CFAP65: variants seen among roughly 807,000 people sequenced by gnomAD.
CFAP65 encodes cilia- and flagella-associated protein 65.
Under a neutral mutation model 208.0 loss-of-function variants are expected in CFAP65, and 155 were observed. The ratio of observed to expected loss-of-function variants is 0.75; its 90% CI spans 0.65 to 0.85. CFAP65 has a LOEUF of 0.85. Ranked by LOEUF, CFAP65 falls within the 40% of genes least tolerant of loss-of-function variation. The pLI, the probability that CFAP65 is intolerant of heterozygous loss-of-function variation, is 0.00. For missense variants in CFAP65, 2,294 were observed against 2,451.3 expected, an observed-to-expected ratio of 0.94 and a Z score of 1.36; for synonymous variants, 970 against 986.3, an observed-to-expected ratio of 0.98 and a Z score of 0.31.
chr2:219,005,179 C>T (rs61003470), intron 32 of CFAP65, among the ~76,000 whole-genome samples: 2,976 of 152,172 alleles, frequency 0.02, 101 homozygotes, highest in African/African-American at 0.068. Context: ...GCATGCACCA[C>T]CATGTCCAGC....
rs773812184 is a variant in CFAP65, at chr2:219,003,213, A to G, written c.5615T>C (p.Leu1872Pro). The change falls in exon 34 of 35, where the codon CTG becomes CCG. Residue 1872 changes from leucine to proline, a missense_variant. By Grantham distance (98) the Leu-to-Pro change is moderately conservative (BLOSUM62 -3). Coordinates refer to ENST00000341552, the MANE Select transcript of CFAP65 (RefSeq NM_194302.4). The surrounding 1 kb of genome is among the most constrained non-coding windows in gnomAD (Gnocchi z 4.4). ...ALLENMIQNI[L>P]VEASRGEVVL... ...CACCTCCCCGCGGCTCGCCTCCACCAGGATGTTCTGGATCATGTTCTCCAG... is the reference window on the plus strand; with the variant it reads ...CACCTCCCCGCGGCTCGCCTCCACCGGGATGTTCTGGATCATGTTCTCCAG... 6.5e-7 allele frequency: 1 copy of G among 1,548,874 alleles called. No individual in the cohort carries two copies. The highest frequency in any genetic ancestry group is 1.2e-5 in the South Asian group (1 of 83,990).
At position 219,020,190 on chromosome 2, in the gene CFAP65, T is replaced by C. The variant is rs551071984; in HGVS notation, c.3260-471A>G. On this transcript the variant is annotated intron_variant, in intron 19 of 34. Transcript: ENST00000341552. ...CCTCCCCAGGCAACCGCTAATCTAC[T>C]TTCTGTCTCTCTCTGCCTATTCTGG... 5.3e-5 allele frequency among the ~76,000 whole-genome samples: 8 copies of C among 152,244 alleles called. No individual in the cohort carries two copies. In the South Asian group the frequency reaches 1.7e-3, roughly 32 times the overall value.
At position 219,013,906 on chromosome 2, in the gene CFAP65, C is replaced by CA. The variant is rs1401632878; in HGVS notation, c.3740dup (p.Ser1248GlufsTer20). 4 of 1,613,202 alleles carry CA rather than the reference C, an allele frequency of 2.5e-6. No homozygotes were observed. Among genetic ancestry groups the CA allele is most frequent in the Non-Finnish European group, 3.4e-6 (4 of 1,179,688 alleles). On this transcript the variant is annotated frameshift_variant, in exon 22 of 35. Transcript: ENST00000341552. LOFTEE classifies it high-confidence loss of function. ...CCACCATCTGCTCCTGCCCAGGACT[C>CA]AGGCTCCCAGCCTTGGGGCTGATGG...
intron 2 of CFAP65, among the ~76,000 whole-genome samples, chr2:219,039,559 C>G (rs1240440496): frequency 1.3e-5 from 2 of 152,056 alleles, no homozygotes; most frequent in African/African-American, 2.4e-5. Context: ...GCACTGCCCC[C>G]CAAAATATAA....
chr2:219,003,923 C>T lies in CFAP65; in HGVS notation c.5555+29G>A. The T allele has an allele frequency of 6.3e-7, 1 of 1,593,668 alleles. No individual in the cohort carries two copies. Among genetic ancestry groups the T allele is most frequent in the Non-Finnish European group, 8.6e-7 (1 of 1,168,542 alleles). The stretch of plus-strand genomic sequence containing the variant: ...GGAACCTTCTGCACTTCGCCTCCCT[C>T]CCGTCCTCACTGGGGCCTGGCTGCT... On this transcript the variant is annotated intron_variant, in intron 33 of 34. Coordinates refer to ENST00000341552, the MANE Select transcript of CFAP65 (RefSeq NM_194302.4). The surrounding 1 kb of genome is among the most constrained non-coding windows in gnomAD (Gnocchi z 4.4).
intron 21 of CFAP65, among the ~76,000 whole-genome samples, chr2:219,016,319 C>T (rs1235322452): frequency 9.4e-6 from 1 of 106,150 alleles, no homozygotes; most frequent in Non-Finnish European, 1.7e-5. Context: ...TTTTTTGAGA[C>T]AGTCTCACTC....
rs374938739 is a variant in CFAP65, at chr2:219,021,826, G to T, written c.3084C>A (p.Leu1028=). The change falls in exon 18 of 35, where the codon CTC becomes CTA. Residue 1028 remains leucine (L), a synonymous_variant. Coordinates refer to ENST00000341552, the MANE Select transcript of CFAP65 (RefSeq NM_194302.4). The part of the protein sequence containing the change: ...NDGNCTLYYR[L]YLEQGSPEAV... The stretch of plus-strand genomic sequence containing the variant: ...CCTCAGGGCTGCCCTGCTCCAGGTA[G>T]AGGCGGTAATAGAGGGTGCAGTTGC... The T allele has an allele frequency of 6.2e-7, 1 of 1,613,844 alleles. No homozygotes were observed. The highest frequency in any genetic ancestry group is 8.5e-7 in the Non-Finnish European group (1 of 1,180,012).
At chr2:219,033,891 T>C (rs1282149528) in intron 5 of CFAP65, 1 of 152,016 alleles carries the variant, frequency 6.6e-6, no homozygotes, top group African/African-American at 2.4e-5. Context: ...AATTAACAAA[T>C]AAATTATTAG....
intron 21 of CFAP65, chr2:219,014,445 T>G (rs1430816617): frequency 1.8e-5 from 3 of 164,470 alleles, no homozygotes; most frequent in Non-Finnish European, 3.9e-5. Context: ...GAGTGGGGTG[T>G]CCAGGCCAAC....
At chr2:219,016,098 C>A (rs1409471974) in intron 21 of CFAP65, among the ~76,000 whole-genome samples, 1 of 152,122 alleles carries the variant, frequency 6.6e-6, no homozygotes. Flanking sequence ...GGAGAGGGGG[C>A]TGCGGAGCTT....
At chr2:219,006,920 C>T (rs1946048852) in intron 29 of CFAP65, among the ~76,000 whole-genome samples, 1 of 151,838 alleles carries the variant, frequency 6.6e-6, no homozygotes, top group African/African-American at 2.4e-5. Flanking sequence ...CTGCCCAATT[C>T]CCAGTCACAT....
chr2:219,029,687 G>A lies in CFAP65; in HGVS notation c.1385-19C>T. The A allele has an allele frequency of 6.2e-7, 1 of 1,607,566 alleles. No homozygotes were observed. The highest frequency in any genetic ancestry group is 8.5e-7 in the Non-Finnish European group (1 of 1,175,518). Reference sequence around the variant, plus strand: ...GCAGGGCCTGGACACAGGAGATGGGGTATCAGCTTCCCCAAGGATATCTTA... The same window carrying A: ...GCAGGGCCTGGACACAGGAGATGGGATATCAGCTTCCCCAAGGATATCTTA... On this transcript the variant is annotated intron_variant, in intron 10 of 34. Coordinates refer to ENST00000341552, the MANE Select transcript of CFAP65 (RefSeq NM_194302.4).
chr2:219,021,363 G>A, intron 18 of CFAP65, 83 bp from the exon 19 acceptor site: 1 of 1,424,472 alleles, frequency 7.0e-7, no homozygotes, highest in Middle Eastern at 2.4e-4. Flanking sequence ...CCCTTCCCTG[G>A]GCACCAGGGG....
In CFAP65 at chr2:219,002,915, C is replaced by T; in HGVS notation, c.*22G>A. 2 of 1,557,428 alleles carry T rather than the reference C, an allele frequency of 1.3e-6. No individual in the cohort carries two copies. On this transcript the variant is annotated 3_prime_UTR_variant, in exon 35 of 35. Coordinates refer to ENST00000341552, the MANE Select transcript of CFAP65 (RefSeq NM_194302.4). The surrounding 1 kb of genome is among the most constrained non-coding windows in gnomAD (Gnocchi z 7.9). ...CCAGGCGTGACCCCTAGCGGCATGT[C>T]GGAGAGGCTGGGCGCGGGCATTTAC...
At chr2:219,020,729 A>G (rs1306953623) in intron 19 of CFAP65, among the ~76,000 whole-genome samples, 1 of 152,206 alleles carries the variant, frequency 6.6e-6, no homozygotes, top group Non-Finnish European at 1.5e-5. Context: ...GAGGTGAAGC[A>G]ACTCGTTAAG....
chr2:219,026,841 T>A lies in CFAP65; in HGVS notation c.2212-682A>T, dbSNP rs563150402. ...CAGAGCCAGGCATCTACAACCTTAT[T>A]CCTACAAACCTCAACATCACCCCAC... is the stretch of plus-strand genomic sequence containing the variant. On this transcript the variant is annotated intron_variant, in intron 13 of 34. Transcript: ENST00000341552. 1.8e-4 allele frequency: 173 copies of A among 986,344 alleles called. 2 individuals carry two copies. The South Asian group carries it at 7.3e-3, about 41-fold the overall frequency. The allele number at this position is 986,344 out of a possible 1,614,324, so 61.1% of individuals were successfully genotyped here. A position where few individuals can be genotyped will look rare whatever the true frequency, so the allele number is the denominator to read the frequency against.
At chr2:219,019,764 C>A in intron 19 of CFAP65, 45 bp from the exon 20 acceptor site, 4 of 1,560,728 alleles carry the variant, frequency 2.6e-6, no homozygotes, top group East Asian at 2.3e-5. Context: ...TGCCTCCCAC[C>A]TTCCCTGGAG....
intron 18 of CFAP65, 21 bp downstream of exon 18, chr2:219,021,753 CCCCAGT>C (rs768427684): frequency 8.1e-6 from 13 of 1,611,638 alleles, no homozygotes; most frequent in Middle Eastern, 1.7e-4. Flanking sequence ...CCTCCCCTGG[CCCCAGT>C]CCCAGCTCAG....
intron 21 of CFAP65, chr2:219,015,539 A>G (rs1212472953): frequency 6.6e-6 from 1 of 152,294 alleles, no homozygotes; most frequent in Non-Finnish European, 1.5e-5. Flanking sequence ...GAAGAATAGT[A>G]ATATTCAACA....
Sources: gnomAD v4.1 joint callset for allele counts (sites outside exome capture counted in the v4.1 genomes callset) on GRCh38, gnomAD v4.1.1 for gene constraint, Gnocchi (gnomAD v3.1) non-coding constraint, MANE v1.5 for transcripts, NCBI Gene and HGNC (gene_info 2026-07-23, HGNC 2026-07-21) for gene names.